Variants in FLT1 observed in about 807,000 individuals in gnomAD.
FLT1 encodes the protein vascular endothelial growth factor receptor 1.
FLT1 carries 49 observed loss-of-function variants against 156.3 expected under a neutral mutation model. The observed-to-expected ratio is 0.31, with a 90% CI of 0.25 to 0.40. The LOEUF (loss-of-function observed/expected upper bound fraction) is 0.40, where lower values mean the gene tolerates loss of function less well. Ranked by LOEUF, FLT1 falls within the 10% of genes least tolerant of loss-of-function variation. FLT1 has a pLI of 1.00. For synonymous variants in FLT1, 594 were observed against 583.8 expected, an observed-to-expected ratio of 1.02 and a Z score of -0.25; for missense variants, 1,322 against 1,637.2, an observed-to-expected ratio of 0.81 and a Z score of 3.32.
At chr13:28,493,435 G>T (rs1881572532) in intron 1 of FLT1, among the ~76,000 whole-genome samples, 1 of 152,002 alleles carries the variant, frequency 6.6e-6, no homozygotes. Flanking sequence ...ACTATTACTT[G>T]TTACTTGGAA....
intron 20 of FLT1, 55 bp from the exon 21 acceptor site, chr13:28,323,001 G>A: frequency 6.3e-7 from 1 of 1,586,800 alleles, no homozygotes; most frequent in Non-Finnish European, 8.7e-7. Flanking sequence ...ACAGCAGTGG[G>A]AAACCAGTCC....
chr13:28,305,044 G>A (rs76084575), intron 29 of FLT1, among the ~76,000 whole-genome samples: 1,819 of 152,194 alleles, frequency 0.012, 30 homozygotes, highest in African/African-American at 0.042. Context: ...TTGAGTATAT[G>A]CCTAGGAGTT....
At chr13:28,486,220 G>C (rs1173423545) in intron 1 of FLT1, among the ~76,000 whole-genome samples, 1 of 152,220 alleles carries the variant, frequency 6.6e-6, no homozygotes, top group African/African-American at 2.4e-5. Flanking sequence ...GAAGCAGTTT[G>C]AATTCTTGGT....
chr13:28,369,493 C>G (rs939293878), intron 14 of FLT1, among the ~76,000 whole-genome samples: 24 of 152,040 alleles, frequency 1.6e-4, no homozygotes, highest in African/African-American at 5.3e-4. Flanking sequence ...CCACTGTACT[C>G]CAGCATGGAT....
At position 28,408,381 on chromosome 13, in the gene FLT1, C is replaced by T. The variant is rs561063363; in HGVS notation, c.1437-2487G>A. 4.6e-5 allele frequency among the ~76,000 whole-genome samples: 7 copies of T among 152,286 alleles called. No homozygotes were observed. The South Asian group carries it at 1.2e-3, about 27-fold the overall frequency. ...GGAAACTATAGGCCAGACTTATTGC[C>T]AGCTCTTCCACATAAAAAGGACAGA... On this transcript the variant is annotated intron_variant, in intron 10 of 29. Transcript: ENST00000282397.
chr13:28,477,795 C>T (rs1880634280), intron 1 of FLT1, among the ~76,000 whole-genome samples: 3 of 152,180 alleles, frequency 2.0e-5, no homozygotes, highest in Admixed American at 1.3e-4. Context: ...GCTCTGACGT[C>T]ACGTCTTATA....
intron 16 of FLT1, among the ~76,000 whole-genome samples, chr13:28,344,014 A>ACC (rs1872460859): frequency 6.8e-6 from 1 of 146,034 alleles, no homozygotes; most frequent in Non-Finnish European, 1.5e-5. Context: ...CTTGCCCCCC[A>ACC]CCACCCGGGT....
Position 28,307,461 on chromosome 13 carries a change from G to C in FLT1, c.3721-689C>G, listed in dbSNP as rs187976335. On this transcript the variant is annotated intron_variant, in intron 28 of 29. Coordinates refer to ENST00000282397, the MANE Select transcript of FLT1 (RefSeq NM_002019.4). ...TTCACCACTGATTTAGGGTGGGGAGGGTGAAGGTTGAGAATTCTTTCACGT... is the reference window on the plus strand; with the variant it reads ...TTCACCACTGATTTAGGGTGGGGAGCGTGAAGGTTGAGAATTCTTTCACGT... 8.5e-5 allele frequency among the ~76,000 whole-genome samples: 13 copies of C among 152,142 alleles called. No individual in the cohort carries two copies. The East Asian group carries it at 2.5e-3, about 29-fold the overall frequency.
chr13:28,417,661 C>T (rs2137521103), intron 10 of FLT1, among the ~76,000 whole-genome samples: 1 of 106,678 alleles, frequency 9.4e-6, no homozygotes, highest in African/African-American at 3.0e-5. Context: ...CTTTAACATT[C>T]CTTAATTCCG....
chr13:28,389,508 C>T, intron 13 of FLT1: 1 of 1,416,836 alleles, frequency 7.1e-7, no homozygotes, highest in Non-Finnish European at 9.2e-7. Context: ...TCCAAACGTG[C>T]ACCAAGTCGG....
rs1278121302 is a variant in FLT1, at chr13:28,329,694, C to T, written c.2628G>A (p.Met876Ile). 1 of 1,614,174 alleles carries T rather than the reference C, an allele frequency of 6.2e-7. No individual in the cohort carries two copies. The highest frequency in any genetic ancestry group is 8.5e-7 in the Non-Finnish European group (1 of 1,180,018). ...GATASEYKAL[M>I]TELKILTHIG... The stretch of plus-strand genomic sequence containing the variant: ...TGTGGGTCAAGATTTTTAGCTCAGT[C>T]ATCAGAGCTTTGTACTCGCTGGCCG... The change falls in exon 19 of 30, where the codon ATG becomes ATA. Residue 876 changes from methionine (M) to isoleucine (I), a missense_variant. By Grantham distance (10) the Met-to-Ile change is conservative. Around this residue, in one of 3 missense-constraint regions of FLT1, gnomAD observed 991 missense variants for 1,254.8 expected, o/e 0.79. Coordinates refer to ENST00000282397, the MANE Select transcript of FLT1 (RefSeq NM_002019.4).
intron 10 of FLT1, among the ~76,000 whole-genome samples, chr13:28,413,903 T>C (rs2137513533): frequency 6.6e-6 from 1 of 152,334 alleles, no homozygotes; most frequent in East Asian, 1.9e-4. Flanking sequence ...TATGTAACTG[T>C]GGATGTCAAA....
At chr13:28,384,801 G>A in intron 14 of FLT1, 84 bp downstream of exon 14, 1 of 1,311,042 alleles carries the variant, frequency 7.6e-7, no homozygotes, top group Non-Finnish European at 1.1e-6. Flanking sequence ...TATACATACT[G>A]GAAGCAGGTG....
intron 14 of FLT1, among the ~76,000 whole-genome samples, chr13:28,377,772 CT>C (rs1404795409): frequency 6.6e-6 from 1 of 152,150 alleles, no homozygotes. Context: ...TAATTTTAAA[CT>C]TTATACATGT....
At position 28,322,211 on chromosome 13, in the gene FLT1, G is replaced by T. The variant is rs1286895246; in HGVS notation, c.3051+51C>A. On this transcript the variant is annotated intron_variant, in intron 22 of 29. Transcript: ENST00000282397. This position sits in a 1 kb window ranked among gnomAD's most constrained non-coding sequence, Gnocchi z 4.3. ...TAGGAAAAATGAATTTATAGCAAAG[G>T]TGTGTGTCCAGCCCTGGCAGAGAAG... The T allele has an allele frequency of 1.9e-6, 2 of 1,048,838 alleles. No homozygotes were observed. Among genetic ancestry groups the T allele is most frequent in the Admixed American group, 1.7e-5 (1 of 59,310 alleles). 65.0% of individuals were successfully genotyped at this position (1,048,838 alleles called of 1,614,324 possible). A position where few individuals can be genotyped will look rare whatever the true frequency, so the allele number is the denominator to read the frequency against.
chr13:28,427,607 A>T, intron 9 of FLT1, 145 bp downstream of exon 9: 1 of 786,592 alleles, frequency 1.3e-6, no homozygotes, highest in South Asian at 1.5e-5. Context: ...GATTGTTAAG[A>T]TGGGAACTTA....
chr13:28,332,441 C>T (rs966678671), intron 18 of FLT1, among the ~76,000 whole-genome samples: 9 of 152,030 alleles, frequency 5.9e-5, no homozygotes, highest in African/African-American at 2.2e-4. Context: ...AGCAGAGAAA[C>T]GGGACTAGCT....
chr13:28,368,599 CGATGATGATGAT>C, intron 14 of FLT1: 1 of 1,432,884 alleles, frequency 7.0e-7, no homozygotes, highest in African/African-American at 1.4e-5. Context: ...ATGATGATGA[CGATGATGATGAT>C]GATGACAATG....
At chr13:28,326,193 C>T (rs918695713) in intron 20 of FLT1, among the ~76,000 whole-genome samples, 7 of 152,144 alleles carry the variant, frequency 4.6e-5, no homozygotes, top group African/African-American at 1.7e-4. Flanking sequence ...TTTTTATTCT[C>T]TCAACAATCC....
Sources: allele counts gnomAD v4.1 joint callset (sites outside exome capture counted in the v4.1 genomes callset), GRCh38; gene constraint gnomAD v4.1.1; regional missense constraint gnomAD v4.1.1; non-coding constraint Gnocchi (gnomAD v3.1); transcripts MANE v1.5; gene names NCBI Gene and HGNC (gene_info 2026-07-23, HGNC 2026-07-21).